NTNG1: variants seen among roughly 807,000 people sequenced by gnomAD.
NTNG1 encodes netrin G1, also known as netrin-G1.
NTNG1 carries 16 observed loss-of-function variants against 54.0 expected under a neutral mutation model. That is an observed-to-expected ratio of 0.30 (90% confidence interval 0.20 to 0.45). NTNG1 has a LOEUF of 0.45. NTNG1 is among the 20% of genes least tolerant of loss of function. The pLI is 1.00. For synonymous variants in NTNG1, 255 were observed against 263.1 expected, an observed-to-expected ratio of 0.97 and a Z score of 0.30; for missense variants, 530 against 678.7, an observed-to-expected ratio of 0.78 and a Z score of 2.43.
intron 2 of NTNG1, among the ~76,000 whole-genome samples, chr1:107,166,311 C>T (rs1655789410): frequency 2.0e-5 from 3 of 152,278 alleles, no homozygotes; most frequent in Admixed American, 2.0e-4. Context: ...AGATTTATCT[C>T]AACAGTAACA....
intron 2 of NTNG1, among the ~76,000 whole-genome samples, chr1:107,178,573 A>G (rs1451599412): frequency 6.6e-6 from 1 of 152,070 alleles, no homozygotes; most frequent in Non-Finnish European, 1.5e-5. Context: ...ATTAACTTAT[A>G]AAGAAAAAGT....
chr1:107,445,782 T>A (rs1011957277), intron 7 of NTNG1, among the ~76,000 whole-genome samples: 2 of 152,108 alleles, frequency 1.3e-5, no homozygotes, highest in African/African-American at 4.8e-5. Flanking sequence ...TCAACCCTGC[T>A]ATTGTACTGC....
intron 3 of NTNG1, among the ~76,000 whole-genome samples, chr1:107,359,474 A>C (rs1448480051): frequency 6.6e-6 from 1 of 152,170 alleles, no homozygotes; most frequent in East Asian, 1.9e-4. Context: ...GGGCAAACAA[A>C]GGCTTTATAG....
intron 2 of NTNG1, among the ~76,000 whole-genome samples, chr1:107,181,364 A>G (rs2101133347): frequency 6.6e-6 from 1 of 152,288 alleles, no homozygotes; most frequent in East Asian, 1.9e-4. Flanking sequence ...TGCATAAAAG[A>G]GGGTTTGTTT....
In NTNG1 at chr1:107,206,855, G is replaced by A. The variant is rs754698883; in HGVS notation, c.246+58016G>A. The stretch of plus-strand genomic sequence containing the variant: ...CATGGGCCGGCCTAGATTAAGTGCT[G>A]GTTTTGAACGAGCCCGCCTTTAATA... On this transcript the variant is annotated intron_variant, in intron 2 of 7. Transcript: ENST00000370068. 7.2e-5 allele frequency among the ~76,000 whole-genome samples: 11 copies of A among 152,048 alleles called. No homozygotes were observed. The South Asian group carries it at 1.5e-3, about 20-fold the overall frequency.
chr1:107,464,962 G>C (rs72701244), intron 7 of NTNG1, among the ~76,000 whole-genome samples: 34,724 of 152,098 alleles, frequency 0.23, 5,053 homozygotes, highest in East Asian at 0.35. Flanking sequence ...TTTCTCTCCA[G>C]GTCGGCCCAA....
chr1:107,453,572 T>G (rs954471293), intron 7 of NTNG1, among the ~76,000 whole-genome samples: 6 of 152,204 alleles, frequency 3.9e-5, no homozygotes, highest in South Asian at 2.1e-4. Flanking sequence ...CGGTCCAGCA[T>G]AAGCCTGGAT....
intron 7 of NTNG1, among the ~76,000 whole-genome samples, chr1:107,454,724 G>A (rs1340437276): frequency 6.6e-6 from 1 of 152,196 alleles, no homozygotes; most frequent in Non-Finnish European, 1.5e-5. Context: ...ATATGAAAAA[G>A]AGGTAACCTT....
intron 2 of NTNG1, among the ~76,000 whole-genome samples, chr1:107,275,075 A>G (rs1226820930): frequency 6.6e-6 from 1 of 152,150 alleles, no homozygotes; most frequent in East Asian, 1.9e-4. Context: ...TGTGTATAAT[A>G]TAACATAAAG....
At chr1:107,354,531 C>T (rs2100917053) in intron 3 of NTNG1, among the ~76,000 whole-genome samples, 1 of 148,934 alleles carries the variant, frequency 6.7e-6, no homozygotes. Context: ...TTAATTAAAC[C>T]ATTAAACACC....
chr1:107,339,188 G>A (rs999991971), intron 3 of NTNG1, among the ~76,000 whole-genome samples: 1 of 151,928 alleles, frequency 6.6e-6, no homozygotes, highest in African/African-American at 2.4e-5. Context: ...CTCCACTAGG[G>A]GCTCTCAAAT....
chr1:107,364,593 T>C (rs947130113), intron 3 of NTNG1, among the ~76,000 whole-genome samples: 1 of 152,218 alleles, frequency 6.6e-6, no homozygotes, highest in Admixed American at 6.5e-5. Flanking sequence ...CCTGGGGTAC[T>C]CTCACATGAG....
At chr1:107,450,580 C>G (rs867860828) in intron 7 of NTNG1, among the ~76,000 whole-genome samples, 1 of 151,178 alleles carries the variant, frequency 6.6e-6, no homozygotes, top group East Asian at 1.9e-4. Context: ...GGCTCCTTCC[C>G]GGAAAAAAAA....
chr1:107,171,475 T>G (rs1656232711), intron 2 of NTNG1, among the ~76,000 whole-genome samples: 1 of 152,120 alleles, frequency 6.6e-6, no homozygotes, highest in South Asian at 2.1e-4. Context: ...CTTTTATGAC[T>G]TGAGATTCAA....
intron 1 of NTNG1, among the ~76,000 whole-genome samples, chr1:107,147,684 C>T (rs1654229541): frequency 6.6e-6 from 1 of 152,104 alleles, no homozygotes; most frequent in Admixed American, 6.6e-5. Context: ...GTTGTCATTT[C>T]TTTGTCATCA....
At chr1:107,276,097 G>A (rs1664455418) in intron 2 of NTNG1, among the ~76,000 whole-genome samples, 1 of 152,124 alleles carries the variant, frequency 6.6e-6, no homozygotes, top group African/African-American at 2.4e-5. Flanking sequence ...GATATCTTGA[G>A]TATATATATT....
chr1:107,448,030 C>G (rs543897224), intron 7 of NTNG1, among the ~76,000 whole-genome samples: 3 of 152,178 alleles, frequency 2.0e-5, no homozygotes, highest in East Asian at 1.9e-4. Flanking sequence ...GGATTCCTGC[C>G]ATCCAAGGGC....
chr1:107,337,073 CAT>C (rs1668625089), intron 3 of NTNG1, among the ~76,000 whole-genome samples: 1 of 151,928 alleles, frequency 6.6e-6, no homozygotes, highest in Non-Finnish European at 1.5e-5. Flanking sequence ...AAAAACTAAA[CAT>C]AAAATTGCCA....
chr1:107,244,789 CG>C (rs1662081333), intron 2 of NTNG1, among the ~76,000 whole-genome samples: 1 of 152,040 alleles, frequency 6.6e-6, no homozygotes, highest in African/African-American at 2.4e-5. Context: ...GAGTGTGGCG[CG>C]AACAGCAGGA....
Sources: allele counts gnomAD v4.1 joint callset (sites outside exome capture counted in the v4.1 genomes callset), GRCh38; gene constraint gnomAD v4.1.1; transcripts MANE v1.5; gene names NCBI Gene and HGNC (gene_info 2026-07-23, HGNC 2026-07-21).